OTOGL: variants seen among roughly 807,000 people sequenced by gnomAD.
The protein encoded by OTOGL is otogelin like.
Under a neutral mutation model 318.5 loss-of-function variants are expected in OTOGL, and 285 were observed. The observed-to-expected ratio is 0.89, with a 90% CI of 0.81 to 0.99. The LOEUF (loss-of-function observed/expected upper bound fraction) is 0.99. OTOGL is among the 50% of genes least tolerant of loss of function. The pLI is 0.00. For missense variants in OTOGL, 2,899 were observed against 2,845.6 expected, an observed-to-expected ratio of 1.02 and a Z score of -0.43; for synonymous variants, 987 against 936.5, an observed-to-expected ratio of 1.05 and a Z score of -0.99.
At chr12:80,330,956 A>G (rs760061841) in intron 37 of OTOGL, among the ~76,000 whole-genome samples, 3 of 152,224 alleles carry the variant, frequency 2.0e-5, no homozygotes, top group Non-Finnish European at 4.4e-5. Context: ...AAAGCTATGA[A>G]ACATTGTTGA....
intron 1 of OTOGL, among the ~76,000 whole-genome samples, chr12:80,204,180 G>A (rs377021372): frequency 6.6e-6 from 1 of 152,108 alleles, no homozygotes; most frequent in Non-Finnish European, 1.5e-5. Flanking sequence ...CAATTCAAAC[G>A]AAGGGCATAA....
chr12:80,249,525 C>G (rs1881280352), intron 11 of OTOGL, among the ~76,000 whole-genome samples: 1 of 151,820 alleles, frequency 6.6e-6, no homozygotes, highest in Admixed American at 6.6e-5. Context: ...TGCCTGTTCT[C>G]AGATCTCCAG....
rs1365096445 is a variant in OTOGL at position 80,249,754 on chromosome 12, C to T, written c.1053-1939C>T. Among the ~76,000 whole-genome samples, 3 of 152,324 alleles carry T rather than the reference C, an allele frequency of 2.0e-5. No homozygotes were observed. In the East Asian group the frequency reaches 5.8e-4, roughly 29 times the overall value. On this transcript the variant is annotated intron_variant, in intron 11 of 58. Coordinates refer to ENST00000547103, the MANE Select transcript of OTOGL (RefSeq NM_001378609.3). The stretch of plus-strand genomic sequence containing the variant: ...GAAGCCTGGGCGATGGCGGGCGCCC[C>T]TCCCCCAGCCTCGCTGCCGCCTTGC...
intron 1 of OTOGL, among the ~76,000 whole-genome samples, chr12:80,100,130 T>C (rs1162893542): frequency 6.6e-6 from 1 of 152,226 alleles, no homozygotes. Flanking sequence ...TGGCAGGTTT[T>C]ATAGGTTGAA....
At chr12:80,253,698 G>T in intron 14 of OTOGL, 124 bp downstream of exon 14, 1 of 720,506 alleles carries the variant, frequency 1.4e-6, no homozygotes, top group Non-Finnish European at 2.2e-6. Flanking sequence ...CACAAAACTT[G>T]CATTTTATTT....
chr12:80,133,537 A>G (rs1403759105), intron 1 of OTOGL: 1 of 151,852 alleles, frequency 6.6e-6, no homozygotes, highest in Non-Finnish European at 1.5e-5. Context: ...TTTCTTATCC[A>G]TTGGCCTAAG....
Position 80,356,337 on chromosome 12 carries a change from T to A in OTOGL, c.5807-79T>A. On this transcript the variant is annotated intron_variant, in intron 47 of 58. Transcript: ENST00000547103. The stretch of plus-strand genomic sequence containing the variant: ...CCGTCTTTGAGTTTCCTGTCTTGAG[T>A]TGGCAGTCATTTCCCTGCTTTGAGT... 2.8e-6 allele frequency: 3 copies of A among 1,063,112 alleles called. No individual in the cohort carries two copies. The South Asian group carries it at 4.5e-5, about 16-fold the overall frequency. The allele number at this position is 1,063,112 out of a possible 1,614,324, so 65.9% of individuals were successfully genotyped here.
chr12:80,225,512 T>C (rs1360972957), intron 7 of OTOGL, among the ~76,000 whole-genome samples: 1 of 152,284 alleles, frequency 6.6e-6, no homozygotes, highest in Non-Finnish European at 1.5e-5. Flanking sequence ...ATTTCTTTTG[T>C]AGAAAATTTG....
intron 1 of OTOGL, among the ~76,000 whole-genome samples, chr12:80,153,237 T>A (rs1366426101): frequency 2.0e-5 from 3 of 152,122 alleles, no homozygotes; most frequent in East Asian, 1.9e-4. Context: ...GAGGGCACGT[T>A]TTCTGGTTCA....
chr12:80,193,505 G>A (rs1027889722), intron 1 of OTOGL, among the ~76,000 whole-genome samples: 1 of 151,970 alleles, frequency 6.6e-6, no homozygotes, highest in African/African-American at 2.4e-5. Flanking sequence ...GTCAGAGTGA[G>A]ACTTCATCTA....
chr12:80,346,391 C>G (rs368127855), intron 44 of OTOGL, among the ~76,000 whole-genome samples: 87 of 151,182 alleles, frequency 5.8e-4, no homozygotes, highest in Middle Eastern at 3.4e-3. Flanking sequence ...AAGTTAAGAA[C>G]TAAAAAAAAA....
chr12:80,231,676 C>G (rs929894356), intron 8 of OTOGL, among the ~76,000 whole-genome samples: 6 of 151,558 alleles, frequency 4.0e-5, no homozygotes, highest in Non-Finnish European at 7.4e-5. Context: ...ACTCTGTTGC[C>G]CAGTCTGGAG....
chr12:80,208,510 A>T (rs796246669), intron 1 of OTOGL, among the ~76,000 whole-genome samples: 1 of 152,318 alleles, frequency 6.6e-6, no homozygotes, highest in African/African-American at 2.4e-5. Flanking sequence ...TGCTGTAGAA[A>T]TGTGCACCCA....
chr12:80,183,912 T>C (rs1875105371), intron 1 of OTOGL, among the ~76,000 whole-genome samples: 1 of 152,182 alleles, frequency 6.6e-6, no homozygotes, highest in South Asian at 2.1e-4. Context: ...TAATAGTATA[T>C]ATTCCTGGCT....
At chr12:80,371,462 A>T (rs1390538606) in intron 56 of OTOGL, among the ~76,000 whole-genome samples, 1 of 152,102 alleles carries the variant, frequency 6.6e-6, no homozygotes, top group East Asian at 1.9e-4. Context: ...TGTTTCACAG[A>T]CTAATATTTA....
chr12:80,242,219 A>G (rs571673915), intron 11 of OTOGL, among the ~76,000 whole-genome samples: 41 of 152,126 alleles, frequency 2.7e-4, no homozygotes, highest in Non-Finnish European at 4.9e-4. Flanking sequence ...TGTCTTTTGA[A>G]ATGTTGATAG....
intron 7 of OTOGL, among the ~76,000 whole-genome samples, chr12:80,224,848 A>C (rs915307328): frequency 6.6e-6 from 1 of 152,062 alleles, no homozygotes; most frequent in Non-Finnish European, 1.5e-5. Context: ...CTGGGTGACT[A>C]TAGTCAATAA....
intron 24 of OTOGL, among the ~76,000 whole-genome samples, chr12:80,274,572 T>C (rs1214946980): frequency 6.6e-6 from 1 of 151,980 alleles, no homozygotes; most frequent in Non-Finnish European, 1.5e-5. Flanking sequence ...ATCCAGAAAA[T>C]GCAACTAAGA....
intron 1 of OTOGL, among the ~76,000 whole-genome samples, chr12:80,111,763 G>A (rs1592460841): frequency 6.6e-6 from 1 of 152,100 alleles, no homozygotes; most frequent in South Asian, 2.1e-4. Context: ...AATTTAAGTA[G>A]TTGCTTCTAA....
Sources: gnomAD v4.1 joint callset for allele counts (sites outside exome capture counted in the v4.1 genomes callset) on GRCh38, gnomAD v4.1.1 for gene constraint, MANE v1.5 for transcripts, NCBI Gene and HGNC (gene_info 2026-07-23, HGNC 2026-07-21) for gene names.